Variants in ADIG observed in about 807,000 individuals in gnomAD.
ADIG encodes the protein adipogenesis associated.
ADIG carries 12 observed loss-of-function variants against 10.7 expected under a neutral mutation model. The ratio of observed to expected loss-of-function variants is 1.12; its 90% CI spans 0.72 to 1.82. ADIG has a LOEUF of 1.82. Among genes scored for constraint, ADIG ranks in the 40% most tolerant of loss-of-function variants. The probability of loss-of-function intolerance (pLI) is 0.00; values close to 1 mark genes in which losing one functional copy is unlikely to be tolerated. For synonymous variants in ADIG, 32 were observed against 35.6 expected, an observed-to-expected ratio of 0.90 and a Z score of 0.36; for missense variants, 72 against 92.5, an observed-to-expected ratio of 0.78 and a Z score of 0.91.
At chr20:38,587,224 A>G (rs1317183801) in intron 2 of ADIG, among the ~76,000 whole-genome samples, 1 of 136,526 alleles carries the variant, frequency 7.3e-6, no homozygotes, top group Non-Finnish European at 1.5e-5. Flanking sequence ...CTCTCTCCCA[A>G]CTCTAATCTC....
intron 1 of ADIG, among the ~76,000 whole-genome samples, chr20:38,582,258 G>T (rs1307587637): frequency 2.0e-5 from 3 of 152,214 alleles, no homozygotes; most frequent in South Asian, 4.1e-4. Flanking sequence ...TTAGCCAGGT[G>T]TGGTGGCATG....
chr20:38,582,081 C>T (rs1411984518), intron 1 of ADIG, among the ~76,000 whole-genome samples: 2 of 152,162 alleles, frequency 1.3e-5, no homozygotes, highest in Admixed American at 1.3e-4. Context: ...TTCTGCTCCT[C>T]TGGCATGTGT....
At position 38,586,163 on chromosome 20, in the gene ADIG, T is replaced by C. The variant is rs1386168748; in HGVS notation, c.*14+2T>C. 6.4e-7 allele frequency: 1 copy of C among 1,572,852 alleles called. No individual in the cohort carries two copies. The highest frequency in any genetic ancestry group is 8.6e-7 in the Non-Finnish European group (1 of 1,159,140). ...CTGCTGGTGAGCCTGCTGTGCCAGG[T>C]GAGGCCCTTCCAGGGGCCAGGGGGA... On this transcript the variant is annotated splice_donor_variant, in intron 2 of 2. Transcript: ENST00000537425. LOFTEE classifies it low-confidence loss of function (3UTR_SPLICE).
intron 1 of ADIG, 144 bp from the exon 2 acceptor site, chr20:38,585,885 A>G: frequency 2.5e-6 from 2 of 787,500 alleles, no homozygotes; most frequent in Middle Eastern, 2.6e-4. Flanking sequence ...CTGAGGCCTC[A>G]AGGCTGGCTC....
intron 1 of ADIG, among the ~76,000 whole-genome samples, chr20:38,583,790 CAT>C (rs948115168): frequency 4.6e-5 from 7 of 152,224 alleles, no homozygotes; most frequent in African/African-American, 7.2e-5. Flanking sequence ...TTACTGGTGT[CAT>C]GTGGCGTTTT....
In ADIG at chr20:38,588,307, C is replaced by T. The variant is rs567539405; in HGVS notation, c.*221C>T. 4 of 1,304,024 alleles carry T rather than the reference C, an allele frequency of 3.1e-6. No individual in the cohort carries two copies. Among genetic ancestry groups the T allele is most frequent in the Admixed American group, 4.6e-5 (2 of 43,546 alleles). 80.8% of individuals were successfully genotyped at this position (1,304,024 alleles called of 1,614,324 possible). A position where few individuals can be genotyped will look rare whatever the true frequency, so the allele number is the denominator to read the frequency against. ...ACCTCCAGCCCTGCAGGGAGCCGCT[C>T]AAGTCTGGGAGGGCATGGGAGCAGT... On this transcript the variant is annotated 3_prime_UTR_variant, in exon 3 of 3. Transcript: ENST00000537425.
Position 38,586,112 on chromosome 20 carries a change from C to T in ADIG, c.208C>T (p.Leu70Phe). ...AGCTGAGTTTTGCTGGAAGGGGACA[C>T]TCCACGGCCAAGAGAAGGAGAGGCC... ...GPAEFCWKGT[L>F]HGQEKERPCW Residue 70 changes from leucine to phenylalanine, a missense_variant, in exon 2 of 3, where the codon CTC (leucine) becomes TTC (phenylalanine). By Grantham distance (22) the Leu-to-Phe change is conservative (BLOSUM62 0). Coordinates refer to ENST00000537425, the MANE Select transcript of ADIG (RefSeq NM_001393816.1). 1 of 1,605,382 alleles carries T rather than the reference C, an allele frequency of 6.2e-7. No individual in the cohort carries two copies. The highest frequency in any genetic ancestry group is 8.5e-7 in the Non-Finnish European group (1 of 1,176,102).
intron 1 of ADIG, among the ~76,000 whole-genome samples, chr20:38,581,990 G>C (rs1445352453): frequency 6.6e-6 from 1 of 152,198 alleles, no homozygotes; most frequent in Non-Finnish European, 1.5e-5. Context: ...AGAGGAGCAA[G>C]AGGTGGGACG....
In ADIG at chr20:38,581,206, C is replaced by T. The variant is rs1321200878; in HGVS notation, c.-45C>T. 5 of 1,572,062 alleles carry T rather than the reference C, an allele frequency of 3.2e-6. No homozygotes were observed. The highest frequency in any genetic ancestry group is 2.7e-5 in the African/African-American group (2 of 74,160). Reference sequence around the variant, plus strand: ...GCCTGCCAGGTCCCATGGGGCAGCCCTGCCAGCCCAGCCCAGGCTGGCCCA... The same window carrying T: ...GCCTGCCAGGTCCCATGGGGCAGCCTTGCCAGCCCAGCCCAGGCTGGCCCA... On this transcript the variant is annotated 5_prime_UTR_variant, in exon 1 of 3. Coordinates refer to ENST00000537425, the MANE Select transcript of ADIG (RefSeq NM_001393816.1).
intron 1 of ADIG, among the ~76,000 whole-genome samples, chr20:38,584,783 CTT>C (rs749025163): frequency 2.7e-5 from 4 of 147,098 alleles, no homozygotes; most frequent in Admixed American, 6.8e-5. Flanking sequence ...ATCCTACTGA[CTT>C]TTTTTTTTTT....
At chr20:38,583,075 C>T (rs1020706402) in intron 1 of ADIG, among the ~76,000 whole-genome samples, 1 of 152,210 alleles carries the variant, frequency 6.6e-6, no homozygotes, top group African/African-American at 2.4e-5. Flanking sequence ...GCCTCAGCCT[C>T]TCAAAGTGAT....
chr20:38,585,615 G>A lies in ADIG; in HGVS notation c.125-414G>A, dbSNP rs112044151. ...CAGGTGTTTTATTGTTCGTGTGTGC[G>A]TGTTTCATCACAAAACAGGGCTACA... On this transcript the variant is annotated intron_variant, in intron 1 of 2. Transcript: ENST00000537425. 896 of 1,317,902 alleles carry A rather than the reference G, an allele frequency of 6.8e-4. 7 individuals carry two copies. In the African/African-American group the frequency reaches 8.9e-3, roughly 13 times the overall value. The allele number at this position is 1,317,902 out of a possible 1,614,324, so 81.6% of individuals were successfully genotyped here.
chr20:38,583,460 T>G (rs2088606131), intron 1 of ADIG, among the ~76,000 whole-genome samples: 1 of 152,226 alleles, frequency 6.6e-6, no homozygotes, highest in South Asian at 2.1e-4. Flanking sequence ...CCCTTGGGGT[T>G]GTGACAGGCT....
At chr20:38,581,581 A>G (rs898366964) in intron 1 of ADIG, among the ~76,000 whole-genome samples, 1 of 148,596 alleles carries the variant, frequency 6.7e-6, no homozygotes, top group African/African-American at 2.6e-5. Flanking sequence ...AGTGAGTCCT[A>G]GAGTTTGAAC....
At chr20:38,587,392 C>G (rs935552553) in intron 2 of ADIG, among the ~76,000 whole-genome samples, 8 of 152,120 alleles carry the variant, frequency 5.3e-5, no homozygotes, top group Non-Finnish European at 1.0e-4. Context: ...CTTTTGGGTC[C>G]CACCTTGACC....
chr20:38,588,234 CAT>C lies in ADIG; in HGVS notation c.*149_*150del, dbSNP rs1351435159. 2.3e-6 allele frequency: 3 copies of C among 1,304,420 alleles called. No homozygotes were observed. The highest frequency in any genetic ancestry group is 3.0e-6 in the Non-Finnish European group (3 of 988,910). 80.8% of individuals were successfully genotyped at this position (1,304,420 alleles called of 1,614,324 possible). On this transcript the variant is annotated 3_prime_UTR_variant, in exon 3 of 3. Transcript: ENST00000537425. Reference sequence around the variant, plus strand: ...CCAACTCATCTCCTCTTCAGACCGACATGTGAAAGCCTCCAGAGGTCCCAGCC... The same window carrying C: ...CCAACTCATCTCCTCTTCAGACCGACGTGAAAGCCTCCAGAGGTCCCAGCC...
Position 38,586,031 on chromosome 20 carries a change from T to C in ADIG, c.127T>C (p.Ser43Pro). 3.1e-6 allele frequency: 5 copies of C among 1,605,078 alleles called. No individual in the cohort carries two copies. Among genetic ancestry groups the C allele is most frequent in the Non-Finnish European group, 3.4e-6 (4 of 1,175,934 alleles). The change falls in exon 2 of 3, where the codon TCA becomes CCA. Residue 43 changes from serine (S) to proline (P), a missense_variant and splice_region_variant. Transcript: ENST00000537425. Reference sequence around the variant, plus strand: ...GGCCTTGCCTCGTATCTCCACAGATTCAGAGGAAAATGACTCCAGTGTGTG... The same window carrying C: ...GGCCTTGCCTCGTATCTCCACAGATCCAGAGGAAAATGACTCCAGTGTGTG... ...IWLRFLLSQD[S>P]EENDSSVCLD...
chr20:38,583,130 C>T (rs556516007), intron 1 of ADIG, among the ~76,000 whole-genome samples: 1 of 152,332 alleles, frequency 6.6e-6, no homozygotes, highest in South Asian at 2.1e-4. Context: ...ATCCTTGCTT[C>T]TTAATAGTTC....
intron 1 of ADIG, among the ~76,000 whole-genome samples, chr20:38,581,946 AGC>A (rs2088594644): frequency 6.6e-6 from 1 of 152,240 alleles, no homozygotes; most frequent in African/African-American, 2.4e-5. Flanking sequence ...CATGGAAGCC[AGC>A]TGACATTCAC....
Sources: gnomAD v4.1 joint callset for allele counts (sites outside exome capture counted in the v4.1 genomes callset) on GRCh38, gnomAD v4.1.1 for gene constraint, MANE v1.5 for transcripts, NCBI Gene and HGNC (gene_info 2026-07-23, HGNC 2026-07-21) for gene names.